UGGT2: variants seen among roughly 807,000 people sequenced by gnomAD.
UGGT2 encodes the protein UDP-glucose:glycoprotein glucosyltransferase 2.
A neutral mutation model predicts 192.1 loss-of-function variants in UGGT2; 180 were observed. The observed-to-expected ratio is 0.94, with a 90% CI of 0.83 to 1.06. UGGT2 has a LOEUF of 1.06. Among genes scored for constraint, UGGT2 ranks in the 50% least tolerant of loss-of-function variants. The pLI is 0.00. For synonymous variants in UGGT2, 580 were observed against 591.0 expected, an observed-to-expected ratio of 0.98 and a Z score of 0.27; for missense variants, 1,849 against 1,795.7, an observed-to-expected ratio of 1.03 and a Z score of -0.54.
At chr13:95,849,542 CA>C (rs35734084) in intron 36 of UGGT2, among the ~76,000 whole-genome samples, 45,309 of 103,822 alleles carry the variant, frequency 0.44, 6,891 homozygotes, top group Middle Eastern at 0.57. Flanking sequence ...GACTCTGTCT[CA>C]AAAAAAAAAA....
intron 17 of UGGT2, among the ~76,000 whole-genome samples, 177 bp from the exon 18 acceptor site, chr13:95,927,513 A>G (rs1318517695): frequency 6.8e-6 from 1 of 147,544 alleles, no homozygotes; most frequent in Non-Finnish European, 1.5e-5. Flanking sequence ...TAAACATTTA[A>G]TGAGCTCTGT....
At chr13:95,941,832 C>A (rs917513190) in intron 15 of UGGT2, among the ~76,000 whole-genome samples, 8 of 152,128 alleles carry the variant, frequency 5.3e-5, no homozygotes, top group Non-Finnish European at 1.2e-4. Context: ...TGGAACATCA[C>A]CAATGCCATG....
intron 15 of UGGT2, among the ~76,000 whole-genome samples, chr13:95,946,178 C>T (rs1389613777): frequency 1.3e-5 from 2 of 152,102 alleles, no homozygotes; most frequent in Non-Finnish European, 2.9e-5. Context: ...ACGAAATAAT[C>T]TTACTATCTC....
At chr13:95,981,890 CT>C (rs2051137625) in intron 10 of UGGT2, among the ~76,000 whole-genome samples, 1 of 152,200 alleles carries the variant, frequency 6.6e-6, no homozygotes, top group Non-Finnish European at 1.5e-5. Context: ...GTAACATGGA[CT>C]GCTAGTCCAA....
chr13:95,890,010 C>T lies in UGGT2; in HGVS notation c.2958+852G>A, dbSNP rs1218647975. ...TGCCTGAGTCCCTCACACTGTGTAGCTGCCTTAGCAACCCCAAGGCAGCCT... is the reference window on the plus strand; with the variant it reads ...TGCCTGAGTCCCTCACACTGTGTAGTTGCCTTAGCAACCCCAAGGCAGCCT... On this transcript the variant is annotated intron_variant, in intron 25 of 38. Coordinates refer to ENST00000376747, the MANE Select transcript of UGGT2 (RefSeq NM_020121.4). Among the ~76,000 whole-genome samples the T allele has an allele frequency of 2.0e-5, 3 of 152,150 alleles. No homozygotes were observed. In the East Asian group the frequency reaches 5.8e-4, roughly 29 times the overall value.
chr13:95,962,715 T>C (rs1308899962), intron 12 of UGGT2, among the ~76,000 whole-genome samples: 1 of 152,126 alleles, frequency 6.6e-6, no homozygotes, highest in Non-Finnish European at 1.5e-5. Context: ...ATTACCCGGA[T>C]ACCAAAACCA....
intron 37 of UGGT2, among the ~76,000 whole-genome samples, chr13:95,836,004 T>C (rs564877514): frequency 3.9e-4 from 60 of 152,322 alleles, no homozygotes; most frequent in Non-Finnish European, 7.5e-4. Flanking sequence ...GTCAAGATGA[T>C]AGCTAATCCA....
At chr13:95,823,168 G>A (rs80259482) in intron 38 of UGGT2, among the ~76,000 whole-genome samples, 212 of 152,060 alleles carry the variant, frequency 1.4e-3, no homozygotes, top group African/African-American at 5.0e-3. Flanking sequence ...ATATGATCTC[G>A]ACTTTCTTAA....
At chr13:95,960,200 A>T (rs910828595) in intron 12 of UGGT2, among the ~76,000 whole-genome samples, 3 of 152,234 alleles carry the variant, frequency 2.0e-5, no homozygotes, top group Admixed American at 6.5e-5. Flanking sequence ...GAACATAAGC[A>T]ATCTCCAAAG....
chr13:95,961,132 A>C (rs1021920528), intron 12 of UGGT2, among the ~76,000 whole-genome samples: 7 of 152,182 alleles, frequency 4.6e-5, no homozygotes, highest in African/African-American at 1.7e-4. Context: ...AAAAGATTCA[A>C]ATGTTACCAA....
At chr13:96,018,752 A>C (rs918291656) in intron 4 of UGGT2, among the ~76,000 whole-genome samples, 5 of 151,704 alleles carry the variant, frequency 3.3e-5, no homozygotes, top group East Asian at 1.9e-4. Flanking sequence ...AAAAAAAACA[A>C]AAAAAACACA....
At chr13:95,828,738 GT>G (rs1886321560) in intron 38 of UGGT2, among the ~76,000 whole-genome samples, 1 of 152,186 alleles carries the variant, frequency 6.6e-6, no homozygotes, top group African/African-American at 2.4e-5. Context: ...TCTACCAGAG[GT>G]GCAAAGAGAA....
Position 95,925,684 on chromosome 13 carries a change from T to G in UGGT2, c.2291A>C (p.His764Pro). 6.5e-7 allele frequency: 1 copy of G among 1,537,002 alleles called. No homozygotes were observed. Among genetic ancestry groups the G allele is most frequent in the Non-Finnish European group, 8.8e-7 (1 of 1,137,848 alleles). The change falls in exon 20 of 39, where the codon CAC becomes CCC. Residue 764 changes from histidine to proline, a missense_variant. By Grantham distance (77) the His-to-Pro change is moderately conservative (BLOSUM62 -2). Coordinates refer to ENST00000376747, the MANE Select transcript of UGGT2 (RefSeq NM_020121.4). ...TAAGAATATCTAGGTACTCACCATG[T>G]GCTTTAATGCATTAAAAAGAAGTTT... is the stretch of plus-strand genomic sequence containing the variant. ...GRKLLFNALK[H>P]MKTSVHSRLG...
rs148790612 is a variant in UGGT2 at position 95,972,631 on chromosome 13, C to T, written c.1133G>A (p.Arg378His). The T allele has an allele frequency of 1.4e-3, 2,217 of 1,613,752 alleles. No homozygotes were observed. The highest frequency in any genetic ancestry group is 2.6e-3 in the Middle Eastern group (16 of 6,052). The change falls in exon 11 of 39, where the codon CGT (arginine) becomes CAT (histidine). Residue 378 changes from arginine to histidine, a missense_variant. Transcript: ENST00000376747. ...VRFKIQPGDA[R>H]LFINGLRVDM... is the part of the protein sequence containing the mutation. Reference sequence around the variant, plus strand: ...AACACGAAGGCCATTTATAAATAGACGAGCATCGCCTGGCTGAATTTTAAA... The same window carrying T: ...AACACGAAGGCCATTTATAAATAGATGAGCATCGCCTGGCTGAATTTTAAA...
chr13:95,954,900 A>T lies in UGGT2; in HGVS notation c.1336-5446T>A, dbSNP rs1487156294. 2.6e-5 allele frequency among the ~76,000 whole-genome samples: 4 copies of T among 152,220 alleles called. No homozygotes were observed. The South Asian group carries it at 8.3e-4, about 32-fold the overall frequency. On this transcript the variant is annotated intron_variant, in intron 12 of 38. Transcript: ENST00000376747. The stretch of plus-strand genomic sequence containing the variant: ...AATTTGACACTTCATCAACACATAT[A>T]TGCAAATATTCTAAAATCCAAAAAA...
At chr13:95,909,416 G>A (rs1594296575) in intron 20 of UGGT2, among the ~76,000 whole-genome samples, 2 of 151,550 alleles carry the variant, frequency 1.3e-5, no homozygotes, top group Admixed American at 6.6e-5. Flanking sequence ...GGAATACTAT[G>A]CAGCCATAAA....
intron 6 of UGGT2, among the ~76,000 whole-genome samples, chr13:95,998,539 A>C (rs900380052): frequency 1.3e-5 from 2 of 152,214 alleles, no homozygotes; most frequent in Non-Finnish European, 2.9e-5. Flanking sequence ...GAGTGCATAT[A>C]GAGAATAAAC....
chr13:95,947,118 A>G lies in UGGT2; in HGVS notation c.1596T>C (p.Asp532=). The stretch of plus-strand genomic sequence containing the variant: ...AAGCTCGCCAGAGAGCAACTCCAGC[A>G]TCATTTGCTCCATCAACTTCATCAT... ...NTDDEVDGAN[D]AGVALWRAFN... is the part of the protein sequence containing the mutation. The change falls in exon 15 of 39, where the codon GAT becomes GAC. Residue 532 remains aspartate, a synonymous_variant. Transcript: ENST00000376747. The G allele has an allele frequency of 6.2e-7, 1 of 1,611,554 alleles. No homozygotes were observed. The highest frequency in any genetic ancestry group is 8.5e-7 in the Non-Finnish European group (1 of 1,179,302).
chr13:95,841,049 G>A (rs1198636620), intron 36 of UGGT2, among the ~76,000 whole-genome samples: 1 of 151,992 alleles, frequency 6.6e-6, no homozygotes, highest in African/African-American at 2.4e-5. Context: ...GGGGCCTATT[G>A]GAGGGCTGGG....
Sources: gnomAD v4.1 joint callset for allele counts (sites outside exome capture counted in the v4.1 genomes callset) on GRCh38, gnomAD v4.1.1 for gene constraint, MANE v1.5 for transcripts, NCBI Gene and HGNC (gene_info 2026-07-23, HGNC 2026-07-21) for gene names.